Variants in ISLR2 observed in about 807,000 individuals in gnomAD.
ISLR2 encodes the protein immunoglobulin superfamily containing leucine-rich repeat protein 2.
In ISLR2, 16 loss-of-function variants were observed where a neutral mutation model predicts 25.5. The observed-to-expected ratio is 0.63, with a 90% CI of 0.43 to 0.95. ISLR2 has a LOEUF of 0.95. Ranked by LOEUF, ISLR2 falls within the 40% of genes least tolerant of loss-of-function variation. ISLR2 has a pLI of 0.00. For missense variants in ISLR2, 883 were observed against 1,030.7 expected, an observed-to-expected ratio of 0.86 and a Z score of 1.96; for synonymous variants, 508 against 486.6, an observed-to-expected ratio of 1.04 and a Z score of -0.58.
chr15:74,115,783 G>T (rs1488638440), intron 2 of ISLR2, among the ~76,000 whole-genome samples: 1 of 150,860 alleles, frequency 6.6e-6, no homozygotes, highest in South Asian at 2.1e-4. Context: ...TGACAGAGAT[G>T]ATGTAATTTG....
At chr15:74,127,540 A>C (rs1443579210), upstream of ISLR2, 1 of 152,354 alleles carries the variant, frequency 6.6e-6, no homozygotes, top group Non-Finnish European at 1.5e-5. Flanking sequence ...CGGGAAGTAA[A>C]GCCTCGGGAC....
downstream of ISLR2, among the ~76,000 whole-genome samples, chr15:74,139,757 C>T (rs913185935): frequency 6.6e-6 from 1 of 152,130 alleles, no homozygotes; most frequent in African/African-American, 2.4e-5. Flanking sequence ...CTTTTTTGAG[C>T]CTTTCCTGTA....
upstream of ISLR2, chr15:74,128,670 G>A (rs1276256044): frequency 1.1e-5 from 5 of 456,082 alleles, no homozygotes; most frequent in African/African-American, 8.0e-5. Context: ...AAAAACCGGC[G>A]GAGGGCCTTG....
At chr15:74,126,134 C>G (rs1410181105), upstream of ISLR2, 1 of 152,050 alleles carries the variant, frequency 6.6e-6, no homozygotes, top group Non-Finnish European at 1.5e-5. Context: ...AGCCAAGGTG[C>G]TCCCCTGTGG....
Position 74,133,160 on chromosome 15 carries a change from G to A in ISLR2, c.406G>A (p.Gly136Ser), listed in dbSNP as rs761008863. The A allele has an allele frequency of 1.2e-5, 20 of 1,613,038 alleles. No individual in the cohort carries two copies. The highest frequency in any genetic ancestry group is 1.7e-5 in the Non-Finnish European group (20 of 1,179,964). ...GCTCAAAATGAACCACAACCGCCTG[G>A]GCTCTCTGCCCCGGGACGCACTCGG... Reference protein sequence around the residue: ...QLLKMNHNRLGSLPRDALGAL... With the variant: ...QLLKMNHNRLSSLPRDALGAL... The change falls in exon 3 of 3, where the codon GGC becomes AGC. Residue 136 changes from glycine (G) to serine (S), a missense_variant. Coordinates refer to ENST00000453268, the MANE Select transcript of ISLR2 (RefSeq NM_020851.3).
At chr15:74,119,273 C>T (rs1057161508) in intron 2 of ISLR2, among the ~76,000 whole-genome samples, 2 of 152,070 alleles carry the variant, frequency 1.3e-5, no homozygotes, top group Non-Finnish European at 2.9e-5. Flanking sequence ...TGCAATGGTG[C>T]AATCACAACT....
chr15:74,114,153 TC>T (rs1220742158), intron 2 of ISLR2, among the ~76,000 whole-genome samples: 36 of 152,310 alleles, frequency 2.4e-4, no homozygotes, highest in African/African-American at 8.7e-4. Flanking sequence ...AGCAGTCACT[TC>T]ATGTGATTCC....
chr15:74,133,952 A>C lies in ISLR2; in HGVS notation c.1198A>C (p.Thr400Pro). The C allele has an allele frequency of 1.2e-6, 2 of 1,607,948 alleles. No individual in the cohort carries two copies. Among genetic ancestry groups the C allele is most frequent in the Non-Finnish European group, 1.7e-6 (2 of 1,177,408 alleles). The change falls in exon 3 of 3, where the codon ACA becomes CCA. Residue 400 changes from threonine (T) to proline (P), a missense_variant. Thr to Pro is a conservative substitution (Grantham distance 38). Around this residue, in one of 2 missense-constraint regions of ISLR2, gnomAD observed 612 missense variants for 642.8 expected, o/e 0.95. Coordinates refer to ENST00000453268, the MANE Select transcript of ISLR2 (RefSeq NM_020851.3). ...GQAPTSERKS[T>P]AKGRGNSVLP... ...GGCCCCGACCTCTGAGCGCAAGTCC[A>C]CAGCCAAGGGCCGGGGCAACAGCGT...
At chr15:74,114,587 G>A (rs1351108963) in intron 2 of ISLR2, among the ~76,000 whole-genome samples, 4 of 151,514 alleles carry the variant, frequency 2.6e-5, no homozygotes, top group African/African-American at 9.7e-5. Flanking sequence ...GGCGCCACTT[G>A]GGGTGACAGA....
At chr15:74,128,834 C>G (rs1461771532), upstream of ISLR2, 2 of 399,136 alleles carry the variant, frequency 5.0e-6, no homozygotes, top group African/African-American at 2.1e-5. Context: ...TCCCAACACC[C>G]GGACAACTGC....
At chr15:74,129,811 T>A (rs1183858385), upstream of ISLR2, 5 of 152,008 alleles carry the variant, frequency 3.3e-5, no homozygotes, top group Non-Finnish European at 7.3e-5. This position sits in a 1 kb window ranked among gnomAD's most constrained non-coding sequence, Gnocchi z 4.5. Flanking sequence ...CTTGAGAGGC[T>A]GTGAAGATAT....
In ISLR2 at chr15:74,130,810, C is replaced by T. The variant is rs114959090; in HGVS notation, c.-119+189C>T. 5.0e-3 allele frequency among the ~76,000 whole-genome samples: 751 copies of T among 150,540 alleles called. 12 individuals are homozygous for T. The highest frequency in any genetic ancestry group is 0.018 in the African/African-American group (730 of 40,776). ...GGGAGGGTGTGAGGGACTGTGTGCG[C>T]GAATGTGTTTGAACGTGGGGTGGGG... is the stretch of plus-strand genomic sequence containing the variant. On this transcript the variant is annotated intron_variant, in intron 1 of 2. Transcript: ENST00000453268.
intron 2 of ISLR2, among the ~76,000 whole-genome samples, chr15:74,121,481 C>A (rs2072252064): frequency 6.6e-6 from 1 of 152,088 alleles, no homozygotes; most frequent in Admixed American, 6.6e-5. Flanking sequence ...TGCACTGAGG[C>A]ACCCTTCCTC....
intron 2 of ISLR2, among the ~76,000 whole-genome samples, chr15:74,115,464 G>A (rs547996979): frequency 5.5e-4 from 84 of 152,126 alleles, no homozygotes; most frequent in Admixed American, 9.2e-4. Flanking sequence ...GGAGGCTGAG[G>A]TGGGCAGATT....
chr15:74,134,616 C>T lies in ISLR2; in HGVS notation c.1862C>T (p.Pro621Leu), dbSNP rs757844898. 1.2e-6 allele frequency: 2 copies of T among 1,614,098 alleles called. No homozygotes were observed. The highest frequency in any genetic ancestry group is 1.3e-5 in the African/African-American group (1 of 75,046). ...AACCHLLAKH[P>L]GKPYRLILRP... ...TGCTGCCATCTGCTGGCTAAACACCCGGGCAAGCCCTACCGTCTGATCCTG... is the reference window on the plus strand; with the variant it reads ...TGCTGCCATCTGCTGGCTAAACACCTGGGCAAGCCCTACCGTCTGATCCTG... Residue 621 changes from proline to leucine, a missense_variant, in exon 3 of 3, where the codon CCG becomes CTG. Around this residue, in one of 2 missense-constraint regions of ISLR2, gnomAD observed 612 missense variants for 642.8 expected, o/e 0.95. Transcript: ENST00000453268.
intron 2 of ISLR2, among the ~76,000 whole-genome samples, chr15:74,120,051 T>C (rs1034002090): frequency 1.3e-5 from 2 of 152,174 alleles, no homozygotes; most frequent in African/African-American, 4.8e-5. Flanking sequence ...TCCATTTAGA[T>C]TGACATATTC....
At chr15:74,114,642 A>T (rs141980396) in intron 2 of ISLR2, among the ~76,000 whole-genome samples, 11 of 152,268 alleles carry the variant, frequency 7.2e-5, no homozygotes, top group African/African-American at 2.6e-4. Flanking sequence ...AGATGTAAAC[A>T]ACATCCTGCA....
At chr15:74,110,278 T>C (rs2072155487) in intron 2 of ISLR2, among the ~76,000 whole-genome samples, 3 of 152,184 alleles carry the variant, frequency 2.0e-5, no homozygotes, top group Admixed American at 2.0e-4. Context: ...GAATATAAAA[T>C]GGTACAGACA....
At chr15:74,128,959 ACTCACCCCGGG>A, upstream of ISLR2, 1 of 451,616 alleles carries the variant, frequency 2.2e-6, no homozygotes, top group Non-Finnish European at 4.4e-6. Flanking sequence ...AACCTCAGGG[ACTCACCCCGGG>A]CTAGGGACCC....
Sources: allele counts gnomAD v4.1 joint callset (sites outside exome capture counted in the v4.1 genomes callset), GRCh38; gene constraint gnomAD v4.1.1; regional missense constraint gnomAD v4.1.1; non-coding constraint Gnocchi (gnomAD v3.1); transcripts MANE v1.5; gene names NCBI Gene and HGNC (gene_info 2026-07-23, HGNC 2026-07-21).